INSYN2B: variants seen among roughly 807,000 people sequenced by gnomAD.
INSYN2B encodes inhibitory synaptic factor family member 2B.
INSYN2B carries 16 observed loss-of-function variants against 41.2 expected under a neutral mutation model. The ratio of observed to expected loss-of-function variants is 0.39; its 90% confidence interval spans 0.26 to 0.59. INSYN2B has a LOEUF of 0.59. Among genes scored for constraint, INSYN2B ranks in the 20% least tolerant of loss-of-function variants. The probability of loss-of-function intolerance (pLI) is 0.57; values close to 1 mark genes in which losing one functional copy is unlikely to be tolerated. For synonymous variants in INSYN2B, 245 were observed against 244.4 expected, an observed-to-expected ratio of 1.00 and a Z score of -0.02; for missense variants, 608 against 646.4, an observed-to-expected ratio of 0.94 and a Z score of 0.64.
chr5:169,864,752 C>T (rs1223499187), intron 3 of INSYN2B, among the ~76,000 whole-genome samples: 1 of 152,162 alleles, frequency 6.6e-6, no homozygotes, highest in East Asian at 1.9e-4. Flanking sequence ...CTCTCTTAAT[C>T]ATTAATGGGG....
chr5:169,951,095 T>G (rs577186063), intron 1 of INSYN2B, among the ~76,000 whole-genome samples: 2 of 152,208 alleles, frequency 1.3e-5, no homozygotes, highest in Non-Finnish European at 2.9e-5. Flanking sequence ...GCCTGCCTTA[T>G]CTGGGACACG....
Position 169,883,686 on chromosome 5 carries a change from G to T in INSYN2B, c.213C>A (p.Thr71=). 1 of 1,551,126 alleles carries T rather than the reference G, an allele frequency of 6.4e-7. No individual in the cohort carries two copies. Among genetic ancestry groups the T allele is most frequent in the Non-Finnish European group, 8.7e-7 (1 of 1,146,660 alleles). The part of the protein sequence containing the change: ...DPAVMGKTQA[T]RHHLPPTYSL... ...AGTAGGTGGGGGGAAGATGGTGCCTGGTTGCTTGAGTCTTCCCCATCACAG... is the reference window on the plus strand; with the variant it reads ...AGTAGGTGGGGGGAAGATGGTGCCTTGTTGCTTGAGTCTTCCCCATCACAG... The change falls in exon 2 of 4, where the codon ACC becomes ACA. Residue 71 remains threonine, a synonymous_variant. Coordinates refer to ENST00000377365, the MANE Select transcript of INSYN2B (RefSeq NM_001129891.3).
At position 169,942,359 on chromosome 5, in the gene INSYN2B, G is replaced by A. The variant is rs139170502; in HGVS notation, c.-919+37918C>T. 3.5e-3 allele frequency among the ~76,000 whole-genome samples: 530 copies of A among 152,322 alleles called. 5 individuals carry two copies. In the South Asian group the frequency reaches 0.043, roughly 12 times the overall value. On this transcript the variant is annotated intron_variant, in intron 1 of 3. Transcript: ENST00000377365. ...ATTAACTTAGAGGGAGACTGGGTAG[G>A]AGGAGAAATATGTAAAGATGCCCAG...
At chr5:169,934,358 A>G (rs1285033907) in intron 1 of INSYN2B, among the ~76,000 whole-genome samples, 1 of 152,164 alleles carries the variant, frequency 6.6e-6, no homozygotes, top group African/African-American at 2.4e-5. Flanking sequence ...GGAGTGGATC[A>G]TAGCCAATAC....
At chr5:169,908,575 TTG>T (rs972229976) in intron 1 of INSYN2B, among the ~76,000 whole-genome samples, 1 of 152,148 alleles carries the variant, frequency 6.6e-6, no homozygotes, top group African/African-American at 2.4e-5. Context: ...CTGGACGTTT[TTG>T]TCTATCTATA....
At chr5:169,935,760 C>T (rs576653936) in intron 1 of INSYN2B, among the ~76,000 whole-genome samples, 11 of 152,124 alleles carry the variant, frequency 7.2e-5, no homozygotes, top group Non-Finnish European at 1.2e-4. Context: ...AGTACACTGA[C>T]TTCATAGGAG....
chr5:169,978,471 T>G (rs890783904), intron 1 of INSYN2B, among the ~76,000 whole-genome samples: 40 of 150,920 alleles, frequency 2.7e-4, no homozygotes, highest in African/African-American at 8.9e-4. Context: ...TACACTAAAA[T>G]TATTGGCATT....
At chr5:169,961,971 T>C (rs1777103279) in intron 1 of INSYN2B, among the ~76,000 whole-genome samples, 2 of 14,010 alleles carry the variant, frequency 1.4e-4, no homozygotes, top group African/African-American at 2.3e-3. Flanking sequence ...AAAGTGAGAC[T>C]CTGTCCCAAA....
chr5:169,956,498 C>G (rs1776871754), intron 1 of INSYN2B, among the ~76,000 whole-genome samples: 1 of 152,138 alleles, frequency 6.6e-6, no homozygotes, highest in South Asian at 2.1e-4. Context: ...GAGGGACTTC[C>G]AAACAAATGC....
At chr5:169,946,396 C>T (rs945035367) in intron 1 of INSYN2B, among the ~76,000 whole-genome samples, 1 of 152,168 alleles carries the variant, frequency 6.6e-6, no homozygotes, top group Non-Finnish European at 1.5e-5. Context: ...CAGGAGCTAC[C>T]TTTATGTTTC....
At chr5:169,949,727 G>A (rs564884638) in intron 1 of INSYN2B, among the ~76,000 whole-genome samples, 115 of 84,118 alleles carry the variant, frequency 1.4e-3, no homozygotes, top group Middle Eastern at 5.7e-3. Flanking sequence ...CAGAGTAGGA[G>A]AGTTTCTGAG....
intron 1 of INSYN2B, among the ~76,000 whole-genome samples, chr5:169,908,302 A>G (rs745975282): frequency 6.6e-6 from 1 of 152,134 alleles, no homozygotes; most frequent in Non-Finnish European, 1.5e-5. Flanking sequence ...GCAAATCAAT[A>G]AAGTATATAA....
At chr5:169,972,650 C>A (rs1271700899) in intron 1 of INSYN2B, among the ~76,000 whole-genome samples, 6 of 150,444 alleles carry the variant, frequency 4.0e-5, no homozygotes, top group African/African-American at 1.5e-4. Context: ...TAAAATCTCC[C>A]CTGTTAGTCT....
rs758607524 is a variant in INSYN2B, at chr5:169,882,670, C to A, written c.1229G>T (p.Cys410Phe). 6 of 1,552,068 alleles carry A rather than the reference C, an allele frequency of 3.9e-6. No homozygotes were observed. Among genetic ancestry groups the A allele is most frequent in the Non-Finnish European group, 5.2e-6 (6 of 1,147,046 alleles). Residue 410 changes from cysteine (C) to phenylalanine (F), a missense_variant, in exon 2 of 4, where the codon TGC becomes TTC. Transcript: ENST00000377365. ...AGATTGCAGTCGGCCTTGGAGGTCGCAGAGTTCACCCCGTGCCAGGTGAAT... is the reference window on the plus strand; with the variant it reads ...AGATTGCAGTCGGCCTTGGAGGTCGAAGAGTTCACCCCGTGCCAGGTGAAT... ...NQIHLARGEL[C>F]DLQGRLQSVE...
intron 1 of INSYN2B, among the ~76,000 whole-genome samples, chr5:169,894,853 C>T (rs1038661207): frequency 9.9e-5 from 15 of 152,128 alleles, no homozygotes; most frequent in African/African-American, 3.6e-4. Flanking sequence ...TGTGGCAAAT[C>T]TCAAGTAACA....
chr5:169,883,645 C>G lies in INSYN2B; in HGVS notation c.254G>C (p.Arg85Thr), dbSNP rs1195619009. 1.9e-6 allele frequency: 3 copies of G among 1,551,116 alleles called. No individual in the cohort carries two copies. The Admixed American group carries it at 5.9e-5, about 30-fold the overall frequency. The change falls in exon 2 of 4, where the codon AGG (arginine) becomes ACG (threonine). Residue 85 changes from arginine (R) to threonine (T), a missense_variant. Transcript: ENST00000377365. Reference sequence around the variant, plus strand: ...GCGAAAGCCCCCTGCCTTCTGGGACCTGGGGAAGGAGAGCGAGTAGGTGGG... The same window carrying G: ...GCGAAAGCCCCCTGCCTTCTGGGACGTGGGGAAGGAGAGCGAGTAGGTGGG... ...LPPTYSLSFP[R>T]SQKAGGFRNI... is the part of the protein sequence containing the mutation.
intron 1 of INSYN2B, among the ~76,000 whole-genome samples, chr5:169,911,261 T>C (rs919197457): frequency 2.6e-5 from 4 of 152,250 alleles, no homozygotes; most frequent in Non-Finnish European, 5.9e-5. Context: ...TAGAGTTTCA[T>C]GCCTTTCTCA....
rs1298212367 is a variant in INSYN2B, at chr5:169,883,739, C to T, written c.160G>A (p.Val54Ile). 6.4e-7 allele frequency: 1 copy of T among 1,551,496 alleles called. No individual in the cohort carries two copies. Among genetic ancestry groups the T allele is most frequent in the Non-Finnish European group, 8.7e-7 (1 of 1,146,950 alleles). Residue 54 changes from valine to isoleucine, a missense_variant, in exon 2 of 4, where the codon GTT (valine) becomes ATT (isoleucine). Transcript: ENST00000377365. ...TTKNPTGLAE[V>I]DVQTPEDPAV... is the part of the protein sequence containing the mutation. ...GGGTCTTCTGGAGTTTGGACGTCAA[C>T]CTCAGCTAGGCCAGTTGGATTCTTA... is the stretch of plus-strand genomic sequence containing the variant.
intron 1 of INSYN2B, among the ~76,000 whole-genome samples, chr5:169,937,881 C>T (rs751626264): frequency 1.3e-5 from 2 of 152,192 alleles, no homozygotes; most frequent in African/African-American, 2.4e-5. Flanking sequence ...TGGTGGGTCC[C>T]TTTCTCCATT....
Sources: allele counts gnomAD v4.1 joint callset (sites outside exome capture counted in the v4.1 genomes callset), GRCh38; gene constraint gnomAD v4.1.1; transcripts MANE v1.5; gene names NCBI Gene and HGNC (gene_info 2026-07-23, HGNC 2026-07-21).